The following ARHGAP26 variants were observed in gnomAD, a reference collection of about 807,000 sequenced individuals.
ARHGAP26 encodes the protein Rho GTPase activating protein 26.
Under a neutral mutation model 104.8 loss-of-function variants are expected in ARHGAP26, and 38 were observed. The observed-to-expected ratio is 0.36, with a 90% CI of 0.28 to 0.48. The LOEUF (loss-of-function observed/expected upper bound fraction) is 0.48, where lower values mean the gene tolerates loss of function less well. ARHGAP26 is among the 20% of genes least tolerant of loss of function. ARHGAP26 has a pLI of 0.99. For synonymous variants in ARHGAP26, 341 were observed against 340.0 expected, an observed-to-expected ratio of 1.00 and a Z score of -0.03; for missense variants, 704 against 947.9, an observed-to-expected ratio of 0.74 and a Z score of 3.38.
intron 11 of ARHGAP26, among the ~76,000 whole-genome samples, chr5:142,990,657 C>CTGTTT (rs1443025382): frequency 6.6e-6 from 1 of 152,116 alleles, no homozygotes; most frequent in East Asian, 1.9e-4. Flanking sequence ...GATGTCCTTT[C>CTGTTT]TGTTTGTTAG....
chr5:143,159,604 C>T (rs1800940723), intron 20 of ARHGAP26, among the ~76,000 whole-genome samples: 4 of 152,188 alleles, frequency 2.6e-5, no homozygotes, highest in Admixed American at 2.6e-4. Context: ...TAGGCCCCTT[C>T]CCTGGAGCCT....
chr5:142,877,007 C>G (rs1237674404), intron 3 of ARHGAP26, among the ~76,000 whole-genome samples: 3 of 151,832 alleles, frequency 2.0e-5, no homozygotes, highest in African/African-American at 7.3e-5. Flanking sequence ...GGAAATGATT[C>G]TTTTGAGTCT....
intron 1 of ARHGAP26, among the ~76,000 whole-genome samples, chr5:142,844,210 C>T (rs1487032058): frequency 6.6e-6 from 1 of 151,912 alleles, no homozygotes; most frequent in East Asian, 1.9e-4. Context: ...ACCACCACAC[C>T]TGGCTGATTT....
At chr5:143,021,156 T>G (rs758738922) in intron 12 of ARHGAP26, among the ~76,000 whole-genome samples, 2 of 152,200 alleles carry the variant, frequency 1.3e-5, no homozygotes, top group African/African-American at 2.4e-5. Context: ...CAGAGATACT[T>G]CCTTCTTGCC....
intron 19 of ARHGAP26, 60 bp downstream of exon 19, chr5:143,134,165 G>C: frequency 1.3e-6 from 2 of 1,506,540 alleles, no homozygotes; most frequent in Non-Finnish European, 8.9e-7. Flanking sequence ...CTACCTGCAC[G>C]GCTCAGGGTG....
chr5:142,990,557 A>G (rs1454348410), intron 11 of ARHGAP26, among the ~76,000 whole-genome samples: 3 of 152,126 alleles, frequency 2.0e-5, no homozygotes, highest in Non-Finnish European at 4.4e-5. Context: ...TAGAATTTTC[A>G]GCTTTTCTGC....
intron 11 of ARHGAP26, among the ~76,000 whole-genome samples, chr5:142,936,414 T>G (rs375945132): frequency 7.2e-5 from 11 of 152,238 alleles, no homozygotes; most frequent in African/African-American, 2.4e-4. Context: ...CATTAATGGG[T>G]TGGAAAAATC....
chr5:142,982,004 A>G lies in ARHGAP26; in HGVS notation c.1108-32076A>G, dbSNP rs564369250. On this transcript the variant is annotated intron_variant, in intron 11 of 22. Coordinates refer to ENST00000645722, the MANE Select transcript of ARHGAP26 (RefSeq NM_001135608.3). ...CACTTGGAAGTCTTTTCTCCAATCC[A>G]TTTGACCTCAAGCTGCTTTTTTGCT... Among the ~76,000 whole-genome samples, 14 of 152,298 alleles carry G rather than the reference A, an allele frequency of 9.2e-5. No homozygotes were observed. The East Asian group carries it at 2.5e-3, about 27-fold the overall frequency.
chr5:142,839,307 G>A (rs981780420), intron 1 of ARHGAP26, among the ~76,000 whole-genome samples: 6 of 152,066 alleles, frequency 3.9e-5, no homozygotes, highest in East Asian at 1.9e-4. Context: ...CACATAGCAA[G>A]CACTTTACAA....
chr5:143,218,290 TC>T (rs1021668535), intron 22 of ARHGAP26, among the ~76,000 whole-genome samples: 60 of 152,344 alleles, frequency 3.9e-4, no homozygotes, highest in African/African-American at 1.4e-3. Flanking sequence ...TCTTTCTCTC[TC>T]CTTTTACCAC....
At chr5:142,977,911 A>C (rs781097728) in intron 11 of ARHGAP26, among the ~76,000 whole-genome samples, 1 of 152,230 alleles carries the variant, frequency 6.6e-6, no homozygotes, top group Non-Finnish European at 1.5e-5. Flanking sequence ...ATTCACCAGC[A>C]TGAAGAAACT....
chr5:142,989,793 C>T (rs1158599043), intron 11 of ARHGAP26, among the ~76,000 whole-genome samples: 2 of 152,206 alleles, frequency 1.3e-5, no homozygotes, highest in South Asian at 2.1e-4. Context: ...CCCCACTCTT[C>T]TGACTTGTAG....
chr5:142,817,604 G>A (rs1765389484), intron 1 of ARHGAP26, among the ~76,000 whole-genome samples: 1 of 152,128 alleles, frequency 6.6e-6, no homozygotes, highest in Admixed American at 6.5e-5. Flanking sequence ...TGTTACTCAC[G>A]TTCCCTGACC....
chr5:142,858,385 A>G (rs569568880), intron 1 of ARHGAP26, among the ~76,000 whole-genome samples: 9 of 152,268 alleles, frequency 5.9e-5, no homozygotes, highest in South Asian at 4.1e-4. Flanking sequence ...TGAGTGGGGA[A>G]TGGAAATGGG....
At chr5:143,097,360 G>GA (rs56116431) in intron 17 of ARHGAP26, among the ~76,000 whole-genome samples, 5,894 of 63,212 alleles carry the variant, frequency 0.093, 296 homozygotes, top group African/African-American at 0.17. Context: ...TCAAAAAAAA[G>GA]AAAAAAAAAA....
intron 11 of ARHGAP26, among the ~76,000 whole-genome samples, chr5:142,958,993 A>G (rs193051076): frequency 1.3e-3 from 196 of 152,258 alleles, no homozygotes; most frequent in African/African-American, 4.5e-3. Context: ...TAATGTAATA[A>G]GGAATTATTA....
At chr5:143,211,807 C>A (rs972984915) in intron 21 of ARHGAP26, among the ~76,000 whole-genome samples, 1 of 152,090 alleles carries the variant, frequency 6.6e-6, no homozygotes, top group East Asian at 1.9e-4. Flanking sequence ...GCAATCCTCC[C>A]ACCTCCCAAA....
chr5:142,979,398 A>C (rs1453408501), intron 11 of ARHGAP26, among the ~76,000 whole-genome samples: 2 of 152,122 alleles, frequency 1.3e-5, no homozygotes, highest in African/African-American at 4.8e-5. Flanking sequence ...CTGTGTGTCC[A>C]GTTGGAGTGA....
intron 8 of ARHGAP26, among the ~76,000 whole-genome samples, chr5:142,904,305 A>G (rs1272764348): frequency 6.6e-6 from 1 of 152,058 alleles, no homozygotes; most frequent in Non-Finnish European, 1.5e-5. Flanking sequence ...AGCCTGGGCA[A>G]CATAGTGAAA....
Sources: gnomAD v4.1 joint callset for allele counts (sites outside exome capture counted in the v4.1 genomes callset) on GRCh38, gnomAD v4.1.1 for gene constraint, MANE v1.5 for transcripts, NCBI Gene and HGNC (gene_info 2026-07-23, HGNC 2026-07-21) for gene names.